Variants in BPIFB3 observed in about 807,000 individuals in gnomAD.
The protein encoded by BPIFB3 is BPI fold containing family B member 3, also known as BPI fold-containing family B member 3.
A neutral mutation model predicts 53.1 loss-of-function variants in BPIFB3; 49 were observed. That is an observed-to-expected ratio of 0.92 (90% confidence interval 0.73 to 1.17). The LOEUF is 1.17. Ranked by LOEUF, BPIFB3 falls within the 50% of genes most tolerant of loss-of-function variation. The pLI is 0.00. For missense variants in BPIFB3, 628 were observed against 592.5 expected (o/e 1.06, Z -0.62); for synonymous variants, 271 against 269.6 (o/e 1.01, Z -0.05).
intron 1 of BPIFB3, among the ~76,000 whole-genome samples, chr20:33,056,312 A>G (rs1980198690): frequency 6.6e-6 from 1 of 152,170 alleles, no homozygotes; most frequent in South Asian, 2.1e-4. Flanking sequence ...CATTCTCCAA[A>G]CACTTACTGG....
chr20:33,069,084 A>G, intron 10 of BPIFB3, 111 bp downstream of exon 11: 1 of 1,259,614 alleles, frequency 7.9e-7, no homozygotes, highest in Non-Finnish European at 1.1e-6. Context: ...GGAGCCCCAC[A>G]TAGTCCAGCA....
At chr20:33,069,977 A>C (rs1289695786) in intron 11 of BPIFB3, 22 bp downstream of exon 12, 2 of 1,612,910 alleles carry the variant, frequency 1.2e-6, no homozygotes, top group Admixed American at 3.3e-5. Flanking sequence ...TCCTGGGGAC[A>C]GGATCTTGTT....
At chr20:33,057,591 C>T (rs1980271053) in intron 2 of BPIFB3, among the ~76,000 whole-genome samples, 1 of 152,144 alleles carries the variant, frequency 6.6e-6, no homozygotes, top group Non-Finnish European at 1.5e-5. Flanking sequence ...ATGTTTGTCC[C>T]TCAAATAGGA....
At chr20:33,058,187 T>C (rs1980297754) in intron 2 of BPIFB3, among the ~76,000 whole-genome samples, 1 of 152,016 alleles carries the variant, frequency 6.6e-6, no homozygotes, top group African/African-American at 2.4e-5. Context: ...TGAAGCCCAG[T>C]GTATGGAGAA....
In BPIFB3 at chr20:33,073,569, C is replaced by T. The variant is rs200906394; in HGVS notation, c.1402-7C>T. 6.2e-7 allele frequency: 1 copy of T among 1,614,012 alleles called. No homozygotes were observed. Among genetic ancestry groups the T allele is most frequent in the Admixed American group, 1.7e-5 (1 of 60,018 alleles). ...GGGGTGTAACCAAGAGCGGTTGTTCCTTACAGAATGCTGTTGTGCTGACCG... is the reference window on the plus strand; with the variant it reads ...GGGGTGTAACCAAGAGCGGTTGTTCTTTACAGAATGCTGTTGTGCTGACCG... On this transcript the variant is annotated splice_polypyrimidine_tract_variant and splice_region_variant and intron_variant, in intron 14 of 14. Transcript: ENST00000375494.
intron 8 of BPIFB3, among the ~76,000 whole-genome samples, chr20:33,066,604 T>G (rs1360650804): frequency 1.4e-4 from 21 of 152,182 alleles, no homozygotes. Context: ...GTTGTAAAGG[T>G]GAAATGAGCA....
chr20:33,071,442 TCAGGGCGGGTGTGCGTGAGAGAGAG>T, intron 12 of BPIFB3, 147 bp downstream of exon 13: 1 of 898,564 alleles, frequency 1.1e-6, no homozygotes, highest in Non-Finnish European at 1.7e-6. Context: ...TGGGCAAATA[TCAGGGCGGGTGTGCGTGAGAGAGAG>T]CAGGGGGTGT....
chr20:33,068,872 A>G, exon 10 of BPIFB3: 1 of 1,614,048 alleles, frequency 6.2e-7, no homozygotes, highest in South Asian at 1.1e-5. Context: ...TCCCACGGTC[A>G]CACTCCACAA....
At chr20:33,054,097 G>A (rs1980096457), upstream of BPIFB3, among the ~76,000 whole-genome samples, 1 of 152,166 alleles carries the variant, frequency 6.6e-6, no homozygotes, top group Non-Finnish European at 1.5e-5. Flanking sequence ...TACCAAGAGG[G>A]TGGATGAAGA....
intron 5 of BPIFB3, among the ~76,000 whole-genome samples, chr20:33,062,542 C>T (rs1980501824): frequency 6.6e-6 from 1 of 152,210 alleles, no homozygotes; most frequent in African/African-American, 2.4e-5. Flanking sequence ...TAAGCAAGAC[C>T]ATGTCAGGCA....
rs1600543787 is a variant in BPIFB3, at chr20:33,068,652, T to G, written c.979-151T>G. On this transcript the variant is annotated intron_variant, in intron 9 of 14. Transcript: ENST00000375494. ...TCTCCACACCTGAGTGTCAGCCTCA[T>G]GGGGGCTGAGCCCAGGCCTGTGTCT... 11 of 765,390 alleles carry G rather than the reference T, an allele frequency of 1.4e-5. No homozygotes were observed. In the East Asian group the frequency reaches 2.7e-4, roughly 19 times the overall value. The allele number at this position is 765,390 out of a possible 1,614,324, so 47.4% of individuals were successfully genotyped here.
chr20:33,068,128 T>A (rs1980740429), intron 9 of BPIFB3, among the ~76,000 whole-genome samples: 1 of 152,248 alleles, frequency 6.6e-6, no homozygotes, highest in African/African-American at 2.4e-5. Flanking sequence ...CAGCTGGGGC[T>A]GCACAAAGGG....
chr20:33,068,999 G>A (rs774659436), intron 10 of BPIFB3, 26 bp downstream of exon 11: 12 of 1,601,610 alleles, frequency 7.5e-6, no homozygotes, highest in African/African-American at 4.0e-5. Flanking sequence ...GTGGCTGGGG[G>A]CCCGGCATTG....
At chr20:33,066,965 C>T in intron 9 of BPIFB3, 88 bp downstream of exon 10, 1 of 1,352,662 alleles carries the variant, frequency 7.4e-7, no homozygotes, top group Non-Finnish European at 1.1e-6. Context: ...ATACAGCTCT[C>T]CAGGCAACTG....
At chr20:33,063,778 G>C in intron 6 of BPIFB3, 103 bp downstream of exon 7, 1 of 1,179,476 alleles carries the variant, frequency 8.5e-7, no homozygotes, top group Non-Finnish European at 1.2e-6. Context: ...CAGGATCTCA[G>C]GGTCCTTTAG....
At chr20:33,057,364 G>A (rs1055521080) in intron 2 of BPIFB3, among the ~76,000 whole-genome samples, 1 of 151,934 alleles carries the variant, frequency 6.6e-6, no homozygotes, top group Non-Finnish European at 1.5e-5. Context: ...AATTTTTGTA[G>A]TTTTAGTAGA....
At chr20:33,064,137 A>C (rs1980566092) in intron 6 of BPIFB3, among the ~76,000 whole-genome samples, 1 of 152,212 alleles carries the variant, frequency 6.6e-6, no homozygotes, top group African/African-American at 2.4e-5. Flanking sequence ...ACAACCAGGA[A>C]AAGAATAGAA....
intron 4 of BPIFB3, 77 bp from the exon 6 acceptor site, chr20:33,061,691 A>T: frequency 7.1e-7 from 1 of 1,417,236 alleles, no homozygotes; most frequent in Non-Finnish European, 9.9e-7. Context: ...CAGAGCCCCT[A>T]GTGTCCGCCC....
chr20:33,059,049 GACTGTGGGGATGGAGTGAGGAAAA>G (rs1366256867), intron 2 of BPIFB3, among the ~76,000 whole-genome samples: 1 of 152,192 alleles, frequency 6.6e-6, no homozygotes, highest in African/African-American at 2.4e-5. Context: ...CCAGGGCTGA[GACTGTGGGGATGGAGTGAGGAAAA>G]ACTTTAATTC....
Sources: gnomAD v4.1 joint callset for allele counts (sites outside exome capture counted in the v4.1 genomes callset) on GRCh38, gnomAD v4.1.1 for gene constraint, MANE v1.5 for transcripts, NCBI Gene and HGNC (gene_info 2026-07-23, HGNC 2026-07-21) for gene names.